Variants in SGK1 observed in about 807,000 individuals in gnomAD.
SGK1 encodes serum/glucocorticoid regulated kinase 1.
SGK1 carries 26 observed loss-of-function variants against 64.2 expected under a neutral mutation model. The observed-to-expected ratio is 0.40, with a 90% CI of 0.30 to 0.56. SGK1 has a LOEUF of 0.56. Among genes scored for constraint, SGK1 ranks in the 20% least tolerant of loss-of-function variants. The pLI is 0.38. For missense variants in SGK1, 519 were observed against 645.6 expected (o/e 0.80, Z 2.12); for synonymous variants, 265 against 239.7 (o/e 1.11, Z -0.98).
intron 2 of SGK1, among the ~76,000 whole-genome samples, chr6:134,232,039 A>C (rs1273798628): frequency 1.2e-5 from 1 of 81,018 alleles, no homozygotes; most frequent in Non-Finnish European, 2.2e-5. Flanking sequence ...ACTTCATCTC[A>C]AAAAAAAAAA....
At chr6:134,171,764 A>G (rs1317724279) in intron 10 of SGK1, 32 bp from the exon 11 acceptor site, 1 of 1,470,946 alleles carries the variant, frequency 6.8e-7, no homozygotes, top group Non-Finnish European at 9.5e-7. Flanking sequence ...CAGCGTTTAG[A>G]ACCTGCGAAA....
chr6:134,225,683 C>T (rs1776164204), intron 2 of SGK1, among the ~76,000 whole-genome samples: 1 of 151,968 alleles, frequency 6.6e-6, no homozygotes, highest in Admixed American at 6.6e-5. Context: ...CTCAGTAGTC[C>T]CATTTCTGTG....
chr6:134,170,798 T>G, intron 13 of SGK1, 28 bp downstream of exon 13: 1 of 1,434,686 alleles, frequency 7.0e-7, no homozygotes, highest in Non-Finnish European at 9.8e-7. Flanking sequence ...TGGGCTTCTC[T>G]ATACTTAGAA....
chr6:134,238,525 CT>C (rs1271289876), intron 2 of SGK1, among the ~76,000 whole-genome samples: 1 of 151,938 alleles, frequency 6.6e-6, no homozygotes, highest in Non-Finnish European at 1.5e-5. Context: ...TGACATAAAA[CT>C]TTTTTTAATT....
intron 3 of SGK1, among the ~76,000 whole-genome samples, chr6:134,198,032 T>G (rs1025354111): frequency 2.0e-5 from 3 of 152,138 alleles, no homozygotes; most frequent in African/African-American, 7.2e-5. Flanking sequence ...TTGCACAGAA[T>G]TTTTGTTTAA....
rs201147934 is a variant in SGK1, at chr6:134,215,118, TTTTC to T, written c.286-7691_286-7688del. ...TCTGGAAAATAAACATGAGAGTAAG[TTTTC>T]TTTCTTTCTTTCTTTTTTTTTTTTT... On this transcript the variant is annotated intron_variant, in intron 2 of 13. Transcript: ENST00000367858. 500 of 376,082 alleles carry T rather than the reference TTTTC, an allele frequency of 1.3e-3. 43 individuals carry two copies. The highest frequency in any genetic ancestry group is 5.6e-3 in the Middle Eastern group (8 of 1,440). 23.3% of individuals were successfully genotyped at this position (376,082 alleles called of 1,614,324 possible).
intron 2 of SGK1, among the ~76,000 whole-genome samples, chr6:134,237,674 T>C (rs1311396279): frequency 6.6e-6 from 1 of 152,196 alleles, no homozygotes; most frequent in African/African-American, 2.4e-5. Flanking sequence ...AGGCTCTGTC[T>C]GAAAAACTAA....
intron 1 of SGK1, chr6:134,297,601 C>G: frequency 4.2e-6 from 2 of 475,930 alleles, no homozygotes; most frequent in Non-Finnish European, 8.1e-6. Context: ...CTCCCAGGTT[C>G]AAGGGATTCT....
At chr6:134,210,327 C>T (rs182512752) in intron 2 of SGK1, among the ~76,000 whole-genome samples, 5 of 152,238 alleles carry the variant, frequency 3.3e-5, no homozygotes, top group South Asian at 2.1e-4. Flanking sequence ...TGCACGATTC[C>T]GCTTACATAA....
chr6:134,303,355 G>A (rs1009180437), intron 1 of SGK1, among the ~76,000 whole-genome samples: 6 of 151,882 alleles, frequency 4.0e-5, no homozygotes, highest in African/African-American at 1.2e-4. Context: ...TGGCGCCACT[G>A]CACTCCAGCC....
intron 3 of SGK1, chr6:134,175,018 G>A: frequency 1.0e-6 from 1 of 993,974 alleles, no homozygotes; most frequent in Non-Finnish European, 1.4e-6. Context: ...GCGGCGGGCG[G>A]TTCTGTCCCC....
At chr6:134,282,413 A>T (rs1228068497) in intron 1 of SGK1, among the ~76,000 whole-genome samples, 1 of 152,164 alleles carries the variant, frequency 6.6e-6, no homozygotes, top group African/African-American at 2.4e-5. Context: ...AGCACTTGGG[A>T]GGCCAAGGAG....
chr6:134,264,311 G>A (rs1320925773), intron 1 of SGK1, among the ~76,000 whole-genome samples: 5 of 151,806 alleles, frequency 3.3e-5, no homozygotes, highest in Non-Finnish European at 7.4e-5. Context: ...AGTAGAGACC[G>A]GGTTTCATCG....
intron 3 of SGK1, among the ~76,000 whole-genome samples, chr6:134,184,678 T>C (rs989513321): frequency 6.6e-6 from 1 of 152,068 alleles, no homozygotes; most frequent in East Asian, 1.9e-4. Context: ...CTCTATGAGA[T>C]AGGGATATCA....
chr6:134,238,147 C>T (rs551408849), intron 2 of SGK1, among the ~76,000 whole-genome samples: 3 of 152,070 alleles, frequency 2.0e-5, no homozygotes. Context: ...TTCCATTTTC[C>T]CACCTTTTGC....
At chr6:134,171,863 T>G (rs759089746) in intron 10 of SGK1, 131 bp from the exon 11 acceptor site, 61 of 662,788 alleles carry the variant, frequency 9.2e-5, no homozygotes, top group African/African-American at 4.5e-4. Context: ...GATTCCTTCC[T>G]GATAAAACTG....
chr6:134,264,024 A>G (rs1229994594), intron 1 of SGK1, among the ~76,000 whole-genome samples: 2 of 152,326 alleles, frequency 1.3e-5, no homozygotes, highest in Admixed American at 6.5e-5. Flanking sequence ...TAGAGATGTG[A>G]AGCAAATTTC....
intron 3 of SGK1, among the ~76,000 whole-genome samples, chr6:134,179,654 T>A (rs1775302350): frequency 6.6e-6 from 1 of 152,132 alleles, no homozygotes. Context: ...ATTGTCAAAT[T>A]TGACATGCAA....
rs1174899075 is a variant in SGK1, at chr6:134,262,224, T to A, written c.70-76A>T. ...TGTTTATTGGGGATTTGGTGGGAAA[T>A]CTGGTGGGATGGGAGCTCATGAAAG... On this transcript the variant is annotated intron_variant, in intron 1 of 13. Coordinates refer to ENST00000367858, the MANE Select transcript of SGK1 (RefSeq NM_001143676.3). 3.7e-6 allele frequency: 4 copies of A among 1,068,508 alleles called. No homozygotes were observed. The East Asian group carries it at 7.2e-5, about 19-fold the overall frequency. 66.2% of individuals were successfully genotyped at this position (1,068,508 alleles called of 1,614,324 possible). A position where few individuals can be genotyped will look rare whatever the true frequency, so the allele number is the denominator to read the frequency against.
Sources: gnomAD v4.1 joint callset for allele counts (sites outside exome capture counted in the v4.1 genomes callset) on GRCh38, gnomAD v4.1.1 for gene constraint, MANE v1.5 for transcripts, NCBI Gene and HGNC (gene_info 2026-07-23, HGNC 2026-07-21) for gene names.